The following GBF1 variants were observed in gnomAD, a reference collection of about 807,000 sequenced individuals.
The protein encoded by GBF1 is golgi brefeldin A resistant guanine nucleotide exchange factor 1.
In GBF1, 114 loss-of-function variants were observed where a neutral mutation model predicts 210.5. The ratio of observed to expected loss-of-function variants is 0.54; its 90% CI spans 0.47 to 0.63. The LOEUF (loss-of-function observed/expected upper bound fraction) is 0.63, where lower values mean the gene tolerates loss of function less well. Ranked by LOEUF, GBF1 falls within the 30% of genes least tolerant of loss-of-function variation. GBF1 has a pLI of 0.00. For missense variants in GBF1, 1,851 were observed against 2,357.7 expected (o/e 0.79, Z 4.45); for synonymous variants, 850 against 889.2 (o/e 0.96, Z 0.78).
intron 9 of GBF1, 115 bp downstream of exon 9, chr10:102,358,301 CA>C: frequency 1.0e-6 from 1 of 1,000,840 alleles, no homozygotes. Context: ...GCGCTGAGAA[CA>C]AAAAGGGAAA....
At chr10:102,330,588 A>G (rs929122883) in intron 3 of GBF1, among the ~76,000 whole-genome samples, 1 of 152,082 alleles carries the variant, frequency 6.6e-6, no homozygotes, top group Admixed American at 6.6e-5. Flanking sequence ...CAGGAGGCTG[A>G]GGCAGGAGAA....
chr10:102,374,143 A>C lies in GBF1; in HGVS notation c.3661-1216A>C, dbSNP rs535666367. Among the ~76,000 whole-genome samples, 4 of 152,292 alleles carry C rather than the reference A, an allele frequency of 2.6e-5. No homozygotes were observed. In the East Asian group the frequency reaches 7.7e-4, roughly 29 times the overall value. ...GGCTGGTGAATCACTTGAGGTCAGG[A>C]GTTCGAGACCAGCCTGGCCAACATG... On this transcript the variant is annotated intron_variant, in intron 29 of 39. Transcript: ENST00000369983.
At chr10:102,295,651 T>A (rs924389329) in intron 3 of GBF1, among the ~76,000 whole-genome samples, 30 of 152,304 alleles carry the variant, frequency 2.0e-4, no homozygotes, top group African/African-American at 7.2e-4. Flanking sequence ...GTTTGGGATA[T>A]TTGGGCGTTT....
intron 3 of GBF1, among the ~76,000 whole-genome samples, chr10:102,295,509 G>C (rs964010272): frequency 6.6e-6 from 1 of 152,080 alleles, no homozygotes; most frequent in African/African-American, 2.4e-5. Flanking sequence ...TAGATGTGAT[G>C]ATAATGATAT....
At chr10:102,240,121 T>C in the GBF1 span, among the ~76,000 whole-genome samples, 2 of 152,224 alleles carry the variant, frequency 1.3e-5, no homozygotes, top group Non-Finnish European at 2.9e-5. Flanking sequence ...GAAGGAGCCA[T>C]TGGTCGCCTG....
intron 3 of GBF1, 63 bp from the exon 4 acceptor site, chr10:102,343,988 C>CT: frequency 6.8e-7 from 1 of 1,463,502 alleles, no homozygotes; most frequent in Non-Finnish European, 9.5e-7. Flanking sequence ...AAACAAGAAA[C>CT]TTTTTCCAGG....
At chr10:102,231,878 C>T in the GBF1 span, 4 of 1,562,622 alleles carry the variant, frequency 2.6e-6, no homozygotes, top group African/African-American at 4.0e-5. Context: ...CTCGCTGGCT[C>T]CCACCGGGGC....
intron 3 of GBF1, among the ~76,000 whole-genome samples, chr10:102,290,186 A>G (rs567009098): frequency 1.3e-5 from 2 of 152,190 alleles, no homozygotes; most frequent in Non-Finnish European, 2.9e-5. Flanking sequence ...TTTAATCAGT[A>G]TGCCTTATTA....
At chr10:102,256,202 T>C (rs2072343991) in intron 1 of GBF1, among the ~76,000 whole-genome samples, 1 of 152,106 alleles carries the variant, frequency 6.6e-6, no homozygotes, top group Non-Finnish European at 1.5e-5. Context: ...ACCTCAGCCT[T>C]CCAAAGTGTT....
rs1041957214 is a variant in GBF1, at chr10:102,288,421, C to T, written c.163+28305C>T. On this transcript the variant is annotated intron_variant, in intron 3 of 39. Coordinates refer to ENST00000369983, the MANE Select transcript of GBF1 (RefSeq NM_001377137.1). ...CTAATGCTCGGGAGTGATTTAAAAA[C>T]GAAATTACGGCCGGGCGCGGTGGCT... 3.5e-4 allele frequency among the ~76,000 whole-genome samples: 54 copies of T among 152,274 alleles called. 1 individual carries two copies. The East Asian group carries it at 9.1e-3, about 26-fold the overall frequency.
intron 3 of GBF1, among the ~76,000 whole-genome samples, chr10:102,318,391 A>G (rs996349773): frequency 6.6e-6 from 1 of 151,368 alleles, no homozygotes; most frequent in Non-Finnish European, 1.5e-5. Context: ...GGGTTTCGCC[A>G]TGTTGCCAAG....
chr10:102,314,523 C>T (rs946823549), intron 3 of GBF1, among the ~76,000 whole-genome samples: 1 of 152,122 alleles, frequency 6.6e-6, no homozygotes, highest in African/African-American at 2.4e-5. Flanking sequence ...TCAAATGGAG[C>T]TTTCTCTACA....
intron 8 of GBF1, among the ~76,000 whole-genome samples, chr10:102,354,602 G>A (rs2059186073): frequency 6.6e-6 from 1 of 152,196 alleles, no homozygotes; most frequent in African/African-American, 2.4e-5. Flanking sequence ...GGCTTTGGAA[G>A]AGTTGCACGT....
chr10:102,354,856 C>A (rs570539021), intron 8 of GBF1, among the ~76,000 whole-genome samples: 3 of 151,648 alleles, frequency 2.0e-5, no homozygotes, highest in Admixed American at 1.3e-4. Context: ...GTCCTCAGCT[C>A]TATCTGGATT....
chr10:102,361,655 T>C, intron 13 of GBF1, 63 bp from the exon 14 acceptor site: 1 of 1,177,812 alleles, frequency 8.5e-7, no homozygotes, highest in Non-Finnish European at 1.2e-6. Context: ...TCCTGTCTAA[T>C]TTTTTCTCTT....
At chr10:102,317,802 C>T (rs944827880) in intron 3 of GBF1, among the ~76,000 whole-genome samples, 3 of 152,154 alleles carry the variant, frequency 2.0e-5, no homozygotes, top group African/African-American at 7.2e-5. Flanking sequence ...TGTCCCACAT[C>T]ATTACACATT....
chr10:102,317,723 A>G (rs2055955104), intron 3 of GBF1, among the ~76,000 whole-genome samples: 1 of 152,146 alleles, frequency 6.6e-6, no homozygotes, highest in Non-Finnish European at 1.5e-5. Context: ...CAAACACAAT[A>G]TCACCCTTAG....
intron 39 of GBF1, 66 bp downstream of exon 39, chr10:102,381,321 A>C: frequency 1.3e-6 from 2 of 1,539,978 alleles, no homozygotes; most frequent in South Asian, 1.1e-5. Context: ...AGGAGGCCCA[A>C]GGGGGCGTGG....
At chr10:102,295,518 ATTAAGG>A (rs1475200853) in intron 3 of GBF1, among the ~76,000 whole-genome samples, 6 of 152,310 alleles carry the variant, frequency 3.9e-5, no homozygotes, top group African/African-American at 1.4e-4. Context: ...TGATAATGAT[ATTAAGG>A]TTAAAGATGT....
Sources: gnomAD v4.1 joint callset for allele counts (sites outside exome capture counted in the v4.1 genomes callset) on GRCh38, gnomAD v4.1.1 for gene constraint, MANE v1.5 for transcripts, NCBI Gene and HGNC (gene_info 2026-07-23, HGNC 2026-07-21) for gene names.